ADCY7: variants seen among roughly 807,000 people sequenced by gnomAD.
ADCY7 encodes the protein adenylate cyclase type 7.
A neutral mutation model predicts 120.6 loss-of-function variants in ADCY7; 72 were observed. The observed-to-expected ratio is 0.60, with a 90% CI of 0.49 to 0.73. ADCY7 has a LOEUF of 0.73. Ranked by LOEUF, ADCY7 falls within the 30% of genes least tolerant of loss-of-function variation. The probability of loss-of-function intolerance (pLI) is 0.00; values close to 1 mark genes in which losing one functional copy is unlikely to be tolerated. For synonymous variants in ADCY7, 661 were observed against 628.0 expected (o/e 1.05, Z -0.78); for missense variants, 1,227 against 1,486.0 (o/e 0.83, Z 2.87).
intron 10 of ADCY7, among the ~76,000 whole-genome samples, chr16:50,302,886 T>C (rs971513114): frequency 6.6e-6 from 1 of 152,144 alleles, no homozygotes; most frequent in African/African-American, 2.4e-5. Flanking sequence ...TGGAGGTGGA[T>C]TTTCTGCACT....
At position 50,311,799 on chromosome 16, in the gene ADCY7, GCCCCCCCCCC is replaced by G; in HGVS notation, c.2448+20_2448+29del. On this transcript the variant is annotated intron_variant, in intron 20 of 25. Coordinates refer to ENST00000673801, the MANE Select transcript of ADCY7 (RefSeq NM_001114.5). ...ACTCTCCAGACAGGTAAGGAGGCTG[GCCCCCCCCCC>G]CCCCCCAAGCTCTGCCCACTTTTCC... The G allele has an allele frequency of 1.1e-6, 1 of 893,474 alleles. No individual in the cohort carries two copies. The highest frequency in any genetic ancestry group is 1.6e-6 in the Non-Finnish European group (1 of 642,278). The allele number at this position is 893,474 out of a possible 1,614,324, so 55.3% of individuals were successfully genotyped here.
At chr16:50,265,387 G>A (rs996552199), upstream of ADCY7, among the ~76,000 whole-genome samples, 2 of 152,134 alleles carry the variant, frequency 1.3e-5, no homozygotes, top group Non-Finnish European at 2.9e-5. Flanking sequence ...TCCTATGCCT[G>A]TCTCCACCAG....
rs766381259 is a variant in ADCY7, at chr16:50,290,469, C to T, written c.184C>T (p.His62Tyr). 17 of 1,614,100 alleles carry T rather than the reference C, an allele frequency of 1.1e-5. No homozygotes were observed. In the Admixed American group the frequency reaches 2.7e-4, roughly 25 times the overall value. The change falls in exon 3 of 26, where the codon CAC (histidine) becomes TAC (tyrosine). Residue 62 changes from histidine to tyrosine, a missense_variant. By Grantham distance (83) the His-to-Tyr change is moderately conservative. Transcript: ENST00000673801. ...IAFSQGDPSR[H>Y]QAILGMAFLV... Reference sequence around the variant, plus strand: ...TTGCTCCACCCAGGACCCCTCCAGACACCAGGCCATTCTGGGCATGGCGTT... The same window carrying T: ...TTGCTCCACCCAGGACCCCTCCAGATACCAGGCCATTCTGGGCATGGCGTT...
At chr16:50,314,429 G>A (rs751785392) in intron 24 of ADCY7, 23 bp downstream of exon 24, 37 of 1,596,922 alleles carry the variant, frequency 2.3e-5, no homozygotes, top group Non-Finnish European at 2.6e-5. Context: ...GATGGAGCGG[G>A]GTGGGGAGCC....
chr16:50,257,943 C>T (rs2032960135), intron 1 of ADCY7, among the ~76,000 whole-genome samples: 1 of 152,012 alleles, frequency 6.6e-6, no homozygotes, highest in Non-Finnish European at 1.5e-5. Flanking sequence ...CAGGATTTCA[C>T]CACGTTGCCC....
chr16:50,311,017 C>A, intron 19 of ADCY7, 137 bp downstream of exon 19: 1 of 907,488 alleles, frequency 1.1e-6, no homozygotes, highest in Non-Finnish European at 1.6e-6. Context: ...GTGTCCAGCG[C>A]TCAGAGCCGA....
rs2035969657 is a variant in ADCY7 at position 50,305,022 on chromosome 16, G to T, written c.1595+63G>T. ...CCACCTCCTCCAAGCAGGCTGCCCTGAGCAGCCTCTGTCCAGTGGGCAGCT... is the reference window on the plus strand; with the variant it reads ...CCACCTCCTCCAAGCAGGCTGCCCTTAGCAGCCTCTGTCCAGTGGGCAGCT... On this transcript the variant is annotated intron_variant, in intron 12 of 25. Coordinates refer to ENST00000673801, the MANE Select transcript of ADCY7 (RefSeq NM_001114.5). The T allele has an allele frequency of 9.4e-6, 15 of 1,601,978 alleles. No individual in the cohort carries two copies. In the East Asian group the frequency reaches 3.3e-4, roughly 36 times the overall value.
intron 4 of ADCY7, 140 bp from the exon 5 acceptor site, chr16:50,292,536 C>T (rs368373718): frequency 9.4e-7 from 1 of 1,068,794 alleles, no homozygotes. Context: ...TCCCTGTCTG[C>T]CCCAGGAAGA....
intron 1 of ADCY7, among the ~76,000 whole-genome samples, chr16:50,249,280 A>C (rs561069055): frequency 6.6e-6 from 1 of 152,228 alleles, no homozygotes; most frequent in East Asian, 1.9e-4. Flanking sequence ...TCTCTACTAA[A>C]AATACAAAAA....
chr16:50,308,310 T>C lies in ADCY7; in HGVS notation c.1851-17T>C, dbSNP rs758737124. The C allele has an allele frequency of 1.2e-6, 2 of 1,614,148 alleles. No individual in the cohort carries two copies. Among genetic ancestry groups the C allele is most frequent in the Admixed American group, 1.7e-5 (1 of 60,020 alleles). ...AGAAGGCCCTAGGCAGAACTGAGGT[T>C]CTTCCCTCCTCTCCAGGACGGCGGC... On this transcript the variant is annotated splice_polypyrimidine_tract_variant and intron_variant, in intron 15 of 25. Coordinates refer to ENST00000673801, the MANE Select transcript of ADCY7 (RefSeq NM_001114.5).
intron 8 of ADCY7, among the ~76,000 whole-genome samples, chr16:50,299,797 C>T (rs1437917943): frequency 2.0e-5 from 3 of 152,196 alleles, no homozygotes; most frequent in South Asian, 2.1e-4. Context: ...CCTCTGGTTC[C>T]GACCCTGGAA....
rs571009120 is a variant in ADCY7 at position 50,316,569 on chromosome 16, A to C, written c.*1064A>C. The C allele has an allele frequency of 6.6e-6, 1 of 152,450 alleles. No homozygotes were observed. Among genetic ancestry groups the C allele is most frequent in the East Asian group, 1.9e-4 (1 of 5,332 alleles). 9.4% of individuals were successfully genotyped at this position (152,450 alleles called of 1,614,324 possible). On this transcript the variant is annotated 3_prime_UTR_variant, in exon 26 of 26. Transcript: ENST00000673801. The stretch of plus-strand genomic sequence containing the variant: ...TCTGGAGAGCTTCAAAACTAGAAGG[A>C]TCTACTCCGCATGGGTGCATGCAGA...
chr16:50,300,710 C>A lies in ADCY7; in HGVS notation c.1077-5C>A. The A allele has an allele frequency of 6.4e-7, 1 of 1,551,552 alleles. No individual in the cohort carries two copies. The highest frequency in any genetic ancestry group is 1.2e-5 in the South Asian group (1 of 84,054). On this transcript the variant is annotated splice_region_variant and splice_polypyrimidine_tract_variant and intron_variant, in intron 8 of 25. Coordinates refer to ENST00000673801, the MANE Select transcript of ADCY7 (RefSeq NM_001114.5). ...GGCTGGGGTGACTGGGCCACTCTGC[C>A]CCAGGCAGGTGCGGGAGGCCACGGG...
chr16:50,257,964 C>G (rs918776907), intron 1 of ADCY7, among the ~76,000 whole-genome samples: 1 of 152,006 alleles, frequency 6.6e-6, no homozygotes, highest in African/African-American at 2.4e-5. Flanking sequence ...AGGCTGGTCT[C>G]GAACTTCTGG....
upstream of ADCY7, among the ~76,000 whole-genome samples, chr16:50,263,731 G>A (rs1006258301): frequency 6.6e-6 from 1 of 151,808 alleles, no homozygotes; most frequent in Non-Finnish European, 1.5e-5. Context: ...TGTTGGTCAG[G>A]GTGGGTCGCT....
chr16:50,312,864 G>A (rs1267171154), intron 21 of ADCY7, 26 bp from the exon 22 acceptor site: 4 of 1,613,004 alleles, frequency 2.5e-6, no homozygotes, highest in Non-Finnish European at 3.4e-6. Flanking sequence ...GTGAAGTGGT[G>A]TAAGGTCCGG....
chr16:50,280,752 C>G (rs1254504005), intron 1 of ADCY7, among the ~76,000 whole-genome samples: 1 of 152,214 alleles, frequency 6.6e-6, no homozygotes, highest in Non-Finnish European at 1.5e-5. Flanking sequence ...CCTCCACCCC[C>G]AGCCCAGTCC....
intron 1 of ADCY7, among the ~76,000 whole-genome samples, chr16:50,247,990 C>G (rs950902884): frequency 1.3e-5 from 2 of 152,150 alleles, no homozygotes; most frequent in Non-Finnish European, 2.9e-5. Flanking sequence ...CCCTGCGTAT[C>G]CCTTGTATCT....
In ADCY7 at chr16:50,309,550, CCT is replaced by C. The variant is rs2036309111; in HGVS notation, c.2065_2066del (p.Leu689AspfsTer13). The C allele has an allele frequency of 6.8e-6, 11 of 1,613,854 alleles. No individual in the cohort carries two copies. The highest frequency in any genetic ancestry group is 2.7e-5 in the African/African-American group (2 of 74,940). On this transcript the variant is annotated frameshift_variant, in exon 18 of 26. Coordinates refer to ENST00000673801, the MANE Select transcript of ADCY7 (RefSeq NM_001114.5). LOFTEE classifies it high-confidence loss of function. ...ATGGGGACCTGTCTCCTCTACAGCC[CCT>C]GATGCCTTTCCAAGTTCCAGAGCTG... ...LLTVAIINLP[L>X]MPFQVPELPV... is the part of the protein sequence containing the mutation.
Sources: allele counts gnomAD v4.1 joint callset (sites outside exome capture counted in the v4.1 genomes callset), GRCh38; gene constraint gnomAD v4.1.1; transcripts MANE v1.5; gene names NCBI Gene and HGNC (gene_info 2026-07-23, HGNC 2026-07-21).